CDH22: variants seen among roughly 807,000 people sequenced by gnomAD.
CDH22 encodes the protein cadherin-22.
Under a neutral mutation model 58.4 loss-of-function variants are expected in CDH22, and 30 were observed. The observed-to-expected ratio is 0.51, with a 90% CI of 0.38 to 0.70. CDH22 has a LOEUF of 0.70. CDH22 is among the 30% of genes least tolerant of loss of function. The pLI is 0.00. For synonymous variants in CDH22, 513 were observed against 558.2 expected, an observed-to-expected ratio of 0.92 and a Z score of 1.14; for missense variants, 1,014 against 1,233.9, an observed-to-expected ratio of 0.82 and a Z score of 2.67.
chr20:46,174,859 C>T lies in CDH22; in HGVS notation c.2134G>A (p.Gly712Arg), dbSNP rs1231206754. Residue 712 changes from glycine (G) to arginine (R), a missense_variant, in exon 12 of 12, where the codon GGG (glycine) becomes AGG (arginine). Physicochemically the swap from Gly to Arg is moderately radical, Grantham distance 125. Coordinates refer to ENST00000537909, the MANE Select transcript of CDH22 (RefSeq NM_021248.3). The surrounding 1 kb of genome is among the most constrained non-coding windows in gnomAD (Gnocchi z 4.4). The part of the protein sequence containing the change: ...GGGSAGGGAG[G>R]GSGGGAGSPP... ...CTGCCCGCGCCCCCGCCCGAGCCCC[C>T]GCCCGCTCCCCCGCCCGCGCTGCCG... 7.5e-7 allele frequency: 1 copy of T among 1,326,194 alleles called. No homozygotes were observed. Among genetic ancestry groups the T allele is most frequent in the East Asian group, 3.2e-5 (1 of 31,466 alleles). The allele number at this position is 1,326,194 out of a possible 1,614,324, so 82.2% of individuals were successfully genotyped here.
At chr20:46,226,736 G>A (rs1014261103) in intron 4 of CDH22, among the ~76,000 whole-genome samples, 1 of 152,026 alleles carries the variant, frequency 6.6e-6, no homozygotes. Context: ...CTCATTCCCC[G>A]CCTTCACCCA....
At chr20:46,302,116 C>G (rs916021430) in intron 1 of CDH22, among the ~76,000 whole-genome samples, 15 of 152,240 alleles carry the variant, frequency 9.9e-5, no homozygotes, top group Non-Finnish European at 1.6e-4. Flanking sequence ...AAATTTAATT[C>G]AGTGAATGGA....
intron 4 of CDH22, among the ~76,000 whole-genome samples, chr20:46,217,415 T>C (rs2086093662): frequency 6.6e-6 from 1 of 152,044 alleles, no homozygotes; most frequent in Non-Finnish European, 1.5e-5. Context: ...CACAGGTTTA[T>C]TCCCAGATAC....
In CDH22 at chr20:46,216,716, A is replaced by G. The variant is rs577293183; in HGVS notation, c.838+110T>C. ...ACAGACAGACAGAAAGAGAGGGGGAAGCCCTTCTTTTGGTGGGAAGTCTAA... is the reference window on the plus strand; with the variant it reads ...ACAGACAGACAGAAAGAGAGGGGGAGGCCCTTCTTTTGGTGGGAAGTCTAA... On this transcript the variant is annotated intron_variant, in intron 5 of 11. Transcript: ENST00000537909. This position sits in a 1 kb window ranked among gnomAD's most constrained non-coding sequence, Gnocchi z 5.3. The G allele has an allele frequency of 2.0e-6, 2 of 1,010,814 alleles. No homozygotes were observed. The highest frequency in any genetic ancestry group is 3.0e-6 in the Non-Finnish European group (2 of 669,908). The allele number at this position is 1,010,814 out of a possible 1,614,324, so 62.6% of individuals were successfully genotyped here.
intron 2 of CDH22, 90 bp downstream of exon 2, chr20:46,250,950 A>T: frequency 1.3e-6 from 1 of 798,602 alleles, no homozygotes; most frequent in South Asian, 1.5e-5. Flanking sequence ...ACATGGATTT[A>T]AAAGGGCAGG....
intron 3 of CDH22, among the ~76,000 whole-genome samples, chr20:46,238,653 C>T (rs2086270375): frequency 6.6e-6 from 1 of 152,210 alleles, no homozygotes; most frequent in African/African-American, 2.4e-5. Flanking sequence ...TAACAGTCAT[C>T]CTTGAGTTTT....
intron 7 of CDH22, among the ~76,000 whole-genome samples, chr20:46,202,335 G>A (rs1318175710): frequency 1.3e-5 from 2 of 151,784 alleles, no homozygotes; most frequent in East Asian, 3.9e-4. Context: ...ACCAAATTGG[G>A]GATTCTCTCC....
chr20:46,266,204 G>A (rs1293951430), intron 1 of CDH22, among the ~76,000 whole-genome samples: 5 of 152,202 alleles, frequency 3.3e-5, no homozygotes, highest in African/African-American at 7.2e-5. Flanking sequence ...CTCTACTGTA[G>A]CAGCCTTGGG....
chr20:46,197,541 T>C (rs1397646912), intron 8 of CDH22, among the ~76,000 whole-genome samples: 1 of 151,626 alleles, frequency 6.6e-6, no homozygotes, highest in East Asian at 1.9e-4. Context: ...TATCTGTGAG[T>C]AGGGAGAGGA....
At chr20:46,215,596 T>C (rs550985803) in intron 5 of CDH22, among the ~76,000 whole-genome samples, 1 of 152,318 alleles carries the variant, frequency 6.6e-6, no homozygotes, top group South Asian at 2.1e-4. Flanking sequence ...CTGGTGGTCA[T>C]AGGATTGTTT....
Position 46,186,682 on chromosome 20 carries a change from C to A in CDH22, c.1569G>T (p.Val523=). The change falls in exon 10 of 12, where the codon GTG becomes GTT. Residue 523 remains valine, a synonymous_variant. Coordinates refer to ENST00000537909, the MANE Select transcript of CDH22 (RefSeq NM_021248.3). The part of the protein sequence containing the change: ...PGQLIQTISV[V]DRDEPQGGHR... ...GCCCGCCTTGGGGCTCGTCTCTGTC[C>A]ACCACGCTGATGGTCTGGATGAGCT... 3 of 1,613,886 alleles carry A rather than the reference C, an allele frequency of 1.9e-6. No individual in the cohort carries two copies. The highest frequency in any genetic ancestry group is 2.5e-6 in the Non-Finnish European group (3 of 1,179,960).
At chr20:46,299,256 T>C (rs2086640956) in intron 1 of CDH22, among the ~76,000 whole-genome samples, 1 of 152,174 alleles carries the variant, frequency 6.6e-6, no homozygotes, top group South Asian at 2.1e-4. Flanking sequence ...CTCATGCTCT[T>C]TCCACCTGCA....
chr20:46,298,083 T>G (rs940420833), intron 1 of CDH22, among the ~76,000 whole-genome samples: 3 of 152,172 alleles, frequency 2.0e-5, no homozygotes, highest in African/African-American at 7.2e-5. Context: ...CCAAATGCAT[T>G]ATCAGATCGG....
chr20:46,239,156 C>T (rs1041090398), intron 3 of CDH22, among the ~76,000 whole-genome samples: 2 of 152,212 alleles, frequency 1.3e-5, no homozygotes, highest in South Asian at 2.1e-4. Flanking sequence ...AGAATGGGCC[C>T]TCCATGAGAG....
chr20:46,307,384 G>T (rs992851980), intron 1 of CDH22, among the ~76,000 whole-genome samples: 5 of 152,234 alleles, frequency 3.3e-5, no homozygotes, highest in African/African-American at 7.2e-5. Flanking sequence ...AGGGCTGCCC[G>T]GCACCCCGCG....
chr20:46,202,407 G>A (rs980590140), intron 7 of CDH22, among the ~76,000 whole-genome samples: 4 of 150,232 alleles, frequency 2.7e-5, no homozygotes, highest in Admixed American at 1.3e-4. Context: ...AGGCTGGAGT[G>A]CAGTGGTGCG....
intron 7 of CDH22, among the ~76,000 whole-genome samples, chr20:46,206,339 G>A (rs1307400829): frequency 6.6e-6 from 1 of 152,212 alleles, no homozygotes; most frequent in East Asian, 1.9e-4. Flanking sequence ...TCTGTCAAAT[G>A]AGTACAATAC....
At chr20:46,297,560 C>T (rs895711402) in intron 1 of CDH22, among the ~76,000 whole-genome samples, 6 of 150,686 alleles carry the variant, frequency 4.0e-5, no homozygotes, top group Non-Finnish European at 5.9e-5. Context: ...CAAGAAGAGA[C>T]GGGCGCTCTG....
intron 8 of CDH22, among the ~76,000 whole-genome samples, chr20:46,197,520 G>T (rs146769136): frequency 1.3e-5 from 2 of 152,086 alleles, no homozygotes; most frequent in Non-Finnish European, 2.9e-5. Context: ...GGCTGGTGGC[G>T]GAGGGGCGTG....
Sources: allele counts gnomAD v4.1 joint callset (sites outside exome capture counted in the v4.1 genomes callset), GRCh38; gene constraint gnomAD v4.1.1; non-coding constraint Gnocchi (gnomAD v3.1); transcripts MANE v1.5; gene names NCBI Gene and HGNC (gene_info 2026-07-23, HGNC 2026-07-21).